Variants in RIMS1 observed in about 807,000 individuals in gnomAD.
RIMS1 encodes regulating synaptic membrane exocytosis protein 1.
Under a neutral mutation model 214.1 loss-of-function variants are expected in RIMS1, and 83 were observed. The ratio of observed to expected loss-of-function variants is 0.39; its 90% CI spans 0.32 to 0.47. RIMS1 has a LOEUF of 0.47. Among genes scored for constraint, RIMS1 ranks in the 20% least tolerant of loss-of-function variants. The probability of loss-of-function intolerance (pLI) is 0.99; values close to 1 mark genes in which losing one functional copy is unlikely to be tolerated. For missense variants in RIMS1, 2,050 were observed against 2,161.8 expected (o/e 0.95, Z 1.03); for synonymous variants, 793 against 786.8 (o/e 1.01, Z -0.13).
chr6:72,315,887 C>T (rs1283278338), intron 28 of RIMS1, among the ~76,000 whole-genome samples: 2 of 152,130 alleles, frequency 1.3e-5, no homozygotes. Flanking sequence ...TTATAGGTAA[C>T]ACTATGAGGA....
chr6:72,210,265 G>A (rs1415206920), intron 6 of RIMS1, among the ~76,000 whole-genome samples: 1 of 152,142 alleles, frequency 6.6e-6, no homozygotes, highest in East Asian at 1.9e-4. Flanking sequence ...CTGCAAAATA[G>A]CAGGCTTAGT....
intron 29 of RIMS1, among the ~76,000 whole-genome samples, chr6:72,347,546 C>A (rs370836884): frequency 1.3e-5 from 2 of 151,380 alleles, no homozygotes; most frequent in Admixed American, 6.6e-5. Flanking sequence ...CATGTGAAAC[C>A]AATGTGATGT....
At chr6:72,211,582 T>C (rs2053818122) in intron 6 of RIMS1, among the ~76,000 whole-genome samples, 1 of 152,188 alleles carries the variant, frequency 6.6e-6, no homozygotes, top group Non-Finnish European at 1.5e-5. Flanking sequence ...ACTTCAGTAC[T>C]GTCCTTAATA....
At chr6:72,067,301 G>A (rs938462941) in intron 2 of RIMS1, among the ~76,000 whole-genome samples, 2 of 152,152 alleles carry the variant, frequency 1.3e-5, no homozygotes, top group African/African-American at 4.8e-5. Context: ...TCCTGAATAC[G>A]TTGCTCATGC....
intron 2 of RIMS1, among the ~76,000 whole-genome samples, chr6:71,974,301 G>T (rs907932976): frequency 1.3e-5 from 2 of 152,086 alleles, no homozygotes; most frequent in African/African-American, 4.8e-5. Context: ...GAATTTGTGT[G>T]TGGGCATGCG....
chr6:72,369,358 C>T (rs1001909684), intron 29 of RIMS1, among the ~76,000 whole-genome samples: 1 of 151,708 alleles, frequency 6.6e-6, no homozygotes, highest in African/African-American at 2.4e-5. Flanking sequence ...CATAGGAGGC[C>T]GGTTGGGTCT....
Position 72,265,390 on chromosome 6 carries a change from C to T in RIMS1, c.3195C>T (p.Ser1065=), listed in dbSNP as rs764617350. Residue 1065 remains serine, a splice_region_variant and synonymous_variant, in exon 21 of 34, where the codon AGC becomes AGT. Coordinates refer to ENST00000521978, the MANE Select transcript of RIMS1 (RefSeq NM_014989.7). ...TTTTGTGTAATTTTAATTTGTGGAG[C>T]TCAATTCTGCCTGCACATACTAAGA... ...LQSSSHWNIY[S]SILPAHTKTK... 1.3e-5 allele frequency: 20 copies of T among 1,521,296 alleles called. No homozygotes were observed. The South Asian group carries it at 2.3e-4, about 18-fold the overall frequency. 94.2% of individuals were successfully genotyped at this position (1,521,296 alleles called of 1,614,324 possible). A position where few individuals can be genotyped will look rare whatever the true frequency, so the allele number is the denominator to read the frequency against.
chr6:72,344,967 G>A lies in RIMS1; in HGVS notation c.4366+11132G>A, dbSNP rs1044444353. 1.4e-4 allele frequency among the ~76,000 whole-genome samples: 21 copies of A among 151,760 alleles called. 1 individual carries two copies. The highest frequency in any genetic ancestry group is 1.0e-3 in the South Asian group (5 of 4,820). ...TATTTCAGGGTTTGGAGGAGGGAAG[G>A]AAACTAAATTTATTAAGTGCCTTCA... On this transcript the variant is annotated intron_variant, in intron 29 of 33. Coordinates refer to ENST00000521978, the MANE Select transcript of RIMS1 (RefSeq NM_014989.7).
At chr6:72,004,019 CT>C (rs1806370988) in intron 2 of RIMS1, among the ~76,000 whole-genome samples, 1 of 95,240 alleles carries the variant, frequency 1.0e-5, no homozygotes, top group Non-Finnish European at 2.0e-5. Context: ...TCCCTCCCCC[CT>C]CCCCCCACCC....
intron 2 of RIMS1, among the ~76,000 whole-genome samples, chr6:72,009,144 C>G (rs1452618600): frequency 6.6e-6 from 1 of 152,186 alleles, no homozygotes; most frequent in East Asian, 1.9e-4. Flanking sequence ...ACAGTGCAAT[C>G]AAACTAGAAC....
At chr6:71,895,062 C>A (rs1018376885) in intron 1 of RIMS1, among the ~76,000 whole-genome samples, 1 of 152,094 alleles carries the variant, frequency 6.6e-6, no homozygotes, top group Non-Finnish European at 1.5e-5. Context: ...TCTGTACTGT[C>A]ATATAAAAGT....
chr6:72,347,518 G>A (rs1240229052), intron 29 of RIMS1, among the ~76,000 whole-genome samples: 1 of 151,820 alleles, frequency 6.6e-6, no homozygotes, highest in Admixed American at 6.6e-5. Flanking sequence ...TTATGGTGTA[G>A]GCCACAGATA....
At chr6:72,151,848 G>A (rs1420599400) in intron 4 of RIMS1, among the ~76,000 whole-genome samples, 4 of 152,198 alleles carry the variant, frequency 2.6e-5, no homozygotes, top group African/African-American at 9.7e-5. Context: ...TCACAGTTCT[G>A]CAGGATGTAC....
intron 4 of RIMS1, among the ~76,000 whole-genome samples, chr6:72,146,771 T>A (rs1310470100): frequency 6.6e-6 from 1 of 152,234 alleles, no homozygotes; most frequent in Non-Finnish European, 1.5e-5. Context: ...CTTATAATCT[T>A]TTACTAAAAA....
chr6:72,007,102 G>T (rs918315498), intron 2 of RIMS1, among the ~76,000 whole-genome samples: 2 of 152,152 alleles, frequency 1.3e-5, no homozygotes, highest in Admixed American at 6.6e-5. Context: ...ACCTCACATG[G>T]CTGGGTACTC....
intron 2 of RIMS1, among the ~76,000 whole-genome samples, chr6:72,030,516 GT>G (rs1349970018): frequency 6.6e-6 from 1 of 151,942 alleles, no homozygotes; most frequent in African/African-American, 2.4e-5. Context: ...TTTCTCCATA[GT>G]TTTTTGCATT....
intron 2 of RIMS1, among the ~76,000 whole-genome samples, chr6:71,980,075 T>C (rs891545759): frequency 2.6e-5 from 4 of 152,138 alleles, no homozygotes; most frequent in Non-Finnish European, 5.9e-5. Flanking sequence ...TGCTATTTCC[T>C]CTGCTCTTCT....
At chr6:71,977,474 T>C (rs1312202146) in intron 2 of RIMS1, among the ~76,000 whole-genome samples, 2 of 152,168 alleles carry the variant, frequency 1.3e-5, no homozygotes, top group African/African-American at 4.8e-5. Flanking sequence ...GCAGAGTCTT[T>C]GTCCTTGTAA....
At chr6:72,090,008 TG>T (rs1183820043) in intron 2 of RIMS1, among the ~76,000 whole-genome samples, 1 of 110,158 alleles carries the variant, frequency 9.1e-6, no homozygotes, top group Non-Finnish European at 1.7e-5. Context: ...TATCACACTC[TG>T]GGGACTGTGG....
Sources: allele counts gnomAD v4.1 joint callset (sites outside exome capture counted in the v4.1 genomes callset), GRCh38; gene constraint gnomAD v4.1.1; transcripts MANE v1.5; gene names NCBI Gene and HGNC (gene_info 2026-07-23, HGNC 2026-07-21).